Variants in COL19A1 observed in about 807,000 individuals in gnomAD.
COL19A1 encodes the protein collagen alpha-1(XIX) chain.
In COL19A1, 159 loss-of-function variants were observed where a neutral mutation model predicts 190.2. The ratio of observed to expected loss-of-function variants is 0.84; its 90% confidence interval spans 0.73 to 0.95. The LOEUF (loss-of-function observed/expected upper bound fraction) is 0.95, where lower values mean the gene tolerates loss of function less well. COL19A1 is among the 40% of genes least tolerant of loss of function. COL19A1 has a pLI of 0.00. For synonymous variants in COL19A1, 509 were observed against 458.9 expected (o/e 1.11, Z -1.39); for missense variants, 1,418 against 1,431.9 (o/e 0.99, Z 0.16).
chr6:70,074,341 A>C (rs531745900), intron 15 of COL19A1, among the ~76,000 whole-genome samples: 156 of 152,118 alleles, frequency 1.0e-3, no homozygotes, highest in African/African-American at 3.5e-3. Context: ...TCTACTAAAA[A>C]TACAAAAATT....
Position 70,168,012 on chromosome 6 carries a change from C to T in COL19A1, c.2446-13C>T. 6.4e-7 allele frequency: 1 copy of T among 1,572,710 alleles called. No individual in the cohort carries two copies. Among genetic ancestry groups the T allele is most frequent in the Non-Finnish European group, 8.7e-7 (1 of 1,152,472 alleles). The stretch of plus-strand genomic sequence containing the variant: ...CTTCCAAGAATAATTCTGTATCTCA[C>T]CTCTTTCCTAAGGGTATTCCATTTA... On this transcript the variant is annotated splice_polypyrimidine_tract_variant and intron_variant, in intron 37 of 50. Coordinates refer to ENST00000620364, the MANE Select transcript of COL19A1 (RefSeq NM_001858.6).
At chr6:70,116,430 A>G (rs1784581464) in intron 16 of COL19A1, among the ~76,000 whole-genome samples, 1 of 152,204 alleles carries the variant, frequency 6.6e-6, no homozygotes, top group African/African-American at 2.4e-5. Context: ...TAAAAGGATC[A>G]AAACTCCTTG....
chr6:69,914,100 A>G (rs748788879), intron 4 of COL19A1, among the ~76,000 whole-genome samples: 28 of 152,256 alleles, frequency 1.8e-4, no homozygotes, highest in South Asian at 6.2e-4. Flanking sequence ...CTTGTTTTCA[A>G]TGGGAAGTCG....
chr6:69,912,986 C>G (rs557792302), intron 4 of COL19A1, among the ~76,000 whole-genome samples: 1 of 152,126 alleles, frequency 6.6e-6, no homozygotes, highest in South Asian at 2.1e-4. Context: ...TACTCAGGAG[C>G]CTCAGGTGGG....
chr6:70,130,865 G>A (rs922572977), intron 18 of COL19A1, among the ~76,000 whole-genome samples: 2 of 152,158 alleles, frequency 1.3e-5, no homozygotes, highest in African/African-American at 4.8e-5. Context: ...GACCCCTTTG[G>A]CAAAATGCCT....
intron 14 of COL19A1, among the ~76,000 whole-genome samples, chr6:70,043,639 G>A (rs547644295): frequency 1.4e-4 from 22 of 152,280 alleles, no homozygotes; most frequent in East Asian, 9.6e-4. Flanking sequence ...TACCAGATGC[G>A]TTGTCAATGA....
At chr6:69,935,501 T>C (rs1773040302) in intron 7 of COL19A1, among the ~76,000 whole-genome samples, 1 of 152,112 alleles carries the variant, frequency 6.6e-6, no homozygotes, top group Non-Finnish European at 1.5e-5. Context: ...TGAACTGTTT[T>C]GGTAATAACC....
chr6:70,127,215 A>G (rs1007581788), intron 17 of COL19A1, among the ~76,000 whole-genome samples: 10 of 152,332 alleles, frequency 6.6e-5, no homozygotes, highest in Admixed American at 5.9e-4. Flanking sequence ...CTGAGGAAGA[A>G]GAGTGACCAA....
intron 11 of COL19A1, among the ~76,000 whole-genome samples, chr6:70,019,055 G>T (rs995279538): frequency 5.3e-5 from 8 of 152,116 alleles, no homozygotes; most frequent in Non-Finnish European, 8.8e-5. Context: ...TCTACCACCA[G>T]CTTCAGCTAA....
intron 16 of COL19A1, among the ~76,000 whole-genome samples, chr6:70,117,599 T>G (rs1184761611): frequency 6.6e-6 from 1 of 152,158 alleles, no homozygotes; most frequent in East Asian, 1.9e-4. Flanking sequence ...AGAAACGACA[T>G]CAGGATCTCT....
intron 15 of COL19A1, among the ~76,000 whole-genome samples, chr6:70,079,859 T>A (rs992179856): frequency 2.0e-5 from 3 of 152,174 alleles, no homozygotes; most frequent in Non-Finnish European, 4.4e-5. Context: ...TTTCTTTTTT[T>A]CTCATAAGTG....
At chr6:70,074,853 C>T (rs904521966) in intron 15 of COL19A1, among the ~76,000 whole-genome samples, 8 of 152,134 alleles carry the variant, frequency 5.3e-5, no homozygotes, top group South Asian at 2.1e-4. Flanking sequence ...CTCACTAAAA[C>T]GATGACTGGT....
At chr6:70,074,016 A>G (rs1439538685) in intron 15 of COL19A1, among the ~76,000 whole-genome samples, 1 of 152,194 alleles carries the variant, frequency 6.6e-6, no homozygotes, top group East Asian at 1.9e-4. Context: ...CTTCTATGAA[A>G]TCAACACATA....
chr6:69,986,747 C>T (rs573198431), intron 11 of COL19A1, among the ~76,000 whole-genome samples: 44 of 152,264 alleles, frequency 2.9e-4, no homozygotes, highest in African/African-American at 1.0e-3. Flanking sequence ...CAGTGCCCAA[C>T]TTGGTCTTAT....
chr6:69,879,988 G>T, intron 2 of COL19A1: 1 of 343,178 alleles, frequency 2.9e-6, no homozygotes, highest in Non-Finnish European at 5.2e-6. Flanking sequence ...CAAGTTATAA[G>T]TATGGAAACT....
At chr6:70,036,723 G>GT (rs1241020609) in intron 14 of COL19A1, among the ~76,000 whole-genome samples, 1 of 151,780 alleles carries the variant, frequency 6.6e-6, no homozygotes, top group Non-Finnish European at 1.5e-5. Context: ...TTATGTTGAT[G>GT]TTACCTAGTG....
intron 18 of COL19A1, among the ~76,000 whole-genome samples, chr6:70,135,818 A>G (rs1440585985): frequency 6.6e-6 from 1 of 152,114 alleles, no homozygotes; most frequent in Non-Finnish European, 1.5e-5. Context: ...GTTGAGGCAG[A>G]TTTTTGCCCT....
chr6:70,171,155 T>C (rs150649489), intron 40 of COL19A1, among the ~76,000 whole-genome samples: 5 of 152,310 alleles, frequency 3.3e-5, no homozygotes, highest in African/African-American at 7.2e-5. Flanking sequence ...GATCTTTTTG[T>C]GTGTGATTAT....
intron 35 of COL19A1, among the ~76,000 whole-genome samples, chr6:70,162,399 A>G (rs1034832529): frequency 6.6e-6 from 1 of 152,136 alleles, no homozygotes; most frequent in Non-Finnish European, 1.5e-5. Context: ...ATTTTAGTCA[A>G]GGCTTTCACT....
Sources: allele counts gnomAD v4.1 joint callset (sites outside exome capture counted in the v4.1 genomes callset), GRCh38; gene constraint gnomAD v4.1.1; transcripts MANE v1.5; gene names NCBI Gene and HGNC (gene_info 2026-07-23, HGNC 2026-07-21).